TENM1: variants seen among roughly 807,000 people sequenced by gnomAD.
The protein encoded by TENM1 is teneurin transmembrane protein 1.
Under a neutral mutation model 174.8 loss-of-function variants are expected in TENM1, and 35 were observed. The ratio of observed to expected loss-of-function variants is 0.20; its 90% CI spans 0.15 to 0.27. TENM1 has a LOEUF of 0.27. Among genes scored for constraint, TENM1 ranks in the 10% least tolerant of loss-of-function variants. TENM1 has a pLI of 1.00. For missense variants in TENM1, 1,633 were observed against 2,130.1 expected (o/e 0.77, Z 4.59); for synonymous variants, 781 against 798.7 (o/e 0.98, Z 0.37).
chrX:125,175,415 C>T, the TENM1 span, among the ~76,000 whole-genome samples: 429 of 110,806 alleles, frequency 3.9e-3, 3 homozygotes, highest in African/African-American at 0.013. Context: ...TTAGTCTTAT[C>T]CAAAAAATAT....
At chrX:124,743,915 G>C (rs2053857528) in intron 3 of TENM1, among the ~76,000 whole-genome samples, 1 of 111,912 alleles carries the variant, frequency 8.9e-6, no homozygotes, top group African/African-American at 3.2e-5. Flanking sequence ...CTACTTTCTA[G>C]TTTAATTAAT....
At chrX:124,516,596 A>T (rs1228651306) in intron 18 of TENM1, among the ~76,000 whole-genome samples, 1 of 112,189 alleles carries the variant, frequency 8.9e-6, no homozygotes, top group Non-Finnish European at 1.9e-5. Context: ...TAGCATATTT[A>T]AAAAAGCTCA....
At chrX:124,866,764 A>T (rs1246653132) in intron 3 of TENM1, among the ~76,000 whole-genome samples, 1 of 111,630 alleles carries the variant, frequency 9.0e-6, no homozygotes, top group Non-Finnish European at 1.9e-5. Flanking sequence ...ACAGACAAAG[A>T]AAAAAAGAGA....
At chrX:124,738,116 T>C in intron 3 of TENM1, among the ~76,000 whole-genome samples, 1 of 112,222 alleles carries the variant, frequency 8.9e-6, no homozygotes, top group Non-Finnish European at 1.9e-5. Flanking sequence ...TTGTAGCTGA[T>C]AGCCACCTCT....
chrX:125,043,222 C>T, the TENM1 span, among the ~76,000 whole-genome samples: 2 of 86,865 alleles, frequency 2.3e-5, no homozygotes, highest in Admixed American at 1.3e-4. Context: ...TCAGAGTGAA[C>T]AGGCAACCTA....
intron 25 of TENM1, among the ~76,000 whole-genome samples, chrX:124,408,155 T>C (rs1377502292): frequency 1.8e-5 from 2 of 110,884 alleles, no homozygotes; most frequent in Admixed American, 1.9e-4. Flanking sequence ...AATTAATTAA[T>C]TTTTTTGAGA....
intron 11 of TENM1, among the ~76,000 whole-genome samples, chrX:124,585,501 A>G (rs1376261081): frequency 5.4e-5 from 6 of 111,793 alleles, no homozygotes; most frequent in Admixed American, 1.9e-4. Context: ...GAACAAAGAC[A>G]CAACATACCA....
At chrX:125,139,016 T>G in the TENM1 span, among the ~76,000 whole-genome samples, 3 of 110,619 alleles carry the variant, frequency 2.7e-5, no homozygotes, top group Admixed American at 9.7e-5. Context: ...TGGATGATAG[T>G]GTTCTACTAC....
chrX:125,202,957 C>T, the TENM1 span, among the ~76,000 whole-genome samples: 6 of 112,300 alleles, frequency 5.3e-5, no homozygotes, highest in Non-Finnish European at 1.1e-4. Context: ...CTGGCCGTTG[C>T]TGAATCTCGG....
At chrX:124,776,846 A>G (rs2054796512) in intron 3 of TENM1, among the ~76,000 whole-genome samples, 1 of 111,432 alleles carries the variant, frequency 9.0e-6, no homozygotes, top group Non-Finnish European at 1.9e-5. Context: ...GAAAATGCAG[A>G]GCTCTTCTTC....
At chrX:124,461,514 G>A (rs73546702) in intron 22 of TENM1, among the ~76,000 whole-genome samples, 9,545 of 111,288 alleles carry the variant, frequency 0.086, 335 homozygotes, top group South Asian at 0.15. Context: ...CCATCAATAG[G>A]TGAATGGATA....
At chrX:124,699,462 C>T (rs1235594535) in intron 5 of TENM1, among the ~76,000 whole-genome samples, 1 of 110,550 alleles carries the variant, frequency 9.0e-6, no homozygotes, top group Non-Finnish European at 1.9e-5. Flanking sequence ...TCTCTTGATG[C>T]AAGACATATA....
At chrX:124,814,783 C>G (rs954078072) in intron 3 of TENM1, among the ~76,000 whole-genome samples, 5 of 111,431 alleles carry the variant, frequency 4.5e-5, no homozygotes. Flanking sequence ...AAGGGAGGGG[C>G]AGGATATGAT....
intron 23 of TENM1, among the ~76,000 whole-genome samples, chrX:124,440,967 G>A (rs747854328): frequency 8.9e-6 from 1 of 112,166 alleles, no homozygotes; most frequent in African/African-American, 3.2e-5. Flanking sequence ...AAGGTTACAT[G>A]TAATGCCATA....
chrX:124,472,875 G>A (rs941703361), intron 22 of TENM1, among the ~76,000 whole-genome samples: 2 of 111,393 alleles, frequency 1.8e-5, no homozygotes, highest in African/African-American at 6.5e-5. Flanking sequence ...TTTGGTAATC[G>A]TGAAATTACT....
chrX:124,671,872 A>G, intron 5 of TENM1, 37 bp from the exon 9 acceptor site: 2 of 1,188,594 alleles, frequency 1.7e-6, no homozygotes, highest in Non-Finnish European at 2.3e-6. Context: ...TTTATTCCAG[A>G]CTCACTGAGA....
intron 3 of TENM1, among the ~76,000 whole-genome samples, chrX:124,776,366 G>T (rs1047688065): frequency 5.4e-5 from 6 of 111,717 alleles, no homozygotes; most frequent in Non-Finnish European, 9.4e-5. Flanking sequence ...AAATAATTTT[G>T]GGGTGTTAAG....
At chrX:124,977,977 A>T in the TENM1 span, among the ~76,000 whole-genome samples, 6,310 of 47,784 alleles carry the variant, frequency 0.13, 388 homozygotes, top group Non-Finnish European at 0.16. Flanking sequence ...TGAGAGAGAG[A>T]GAGAGAGAGA....
chrX:124,441,555 AAGCC>A, intron 23 of TENM1, among the ~76,000 whole-genome samples: 2 of 111,922 alleles, frequency 1.8e-5, no homozygotes, highest in Non-Finnish European at 3.8e-5. Flanking sequence ...CTTATAATAT[AAGCC>A]TTTGGATCAG....
Sources: allele counts gnomAD v4.1 joint callset (sites outside exome capture counted in the v4.1 genomes callset), GRCh38; gene constraint gnomAD v4.1.1; transcripts MANE v1.5; gene names NCBI Gene and HGNC (gene_info 2026-07-23, HGNC 2026-07-21).